The following CAP2 variants were observed in gnomAD, a reference collection of about 807,000 sequenced individuals.
CAP2 encodes the protein cyclase associated actin cytoskeleton regulatory protein 2.
In CAP2, 24 loss-of-function variants were observed where a neutral mutation model predicts 57.7. That is an observed-to-expected ratio of 0.42 (90% CI 0.30 to 0.58). CAP2 has a LOEUF of 0.58. Among genes scored for constraint, CAP2 ranks in the 20% least tolerant of loss-of-function variants. The probability of loss-of-function intolerance (pLI) is 0.22; values close to 1 mark genes in which losing one functional copy is unlikely to be tolerated. For missense variants in CAP2, 501 were observed against 590.3 expected, an observed-to-expected ratio of 0.85 and a Z score of 1.57; for synonymous variants, 194 against 207.2, an observed-to-expected ratio of 0.94 and a Z score of 0.55.
At chr6:17,473,378 T>C (rs544318401) in intron 4 of CAP2, among the ~76,000 whole-genome samples, 1 of 152,316 alleles carries the variant, frequency 6.6e-6, no homozygotes, top group South Asian at 2.1e-4. Flanking sequence ...TTATCAACGA[T>C]CTATCATTTT....
chr6:17,511,560 T>C (rs1051511396), intron 6 of CAP2, among the ~76,000 whole-genome samples: 2 of 152,162 alleles, frequency 1.3e-5, no homozygotes, highest in African/African-American at 4.8e-5. Flanking sequence ...CAAGCAGTTC[T>C]CCTGCCTCAG....
In CAP2 at chr6:17,557,170, C is replaced by A. The variant is rs934848311; in HGVS notation, c.*728C>A. On this transcript the variant is annotated 3_prime_UTR_variant, in exon 13 of 13. Transcript: ENST00000229922. ...GCCAAAAACATTAAACAGAAGAAAT[C>A]ATTTTTTTTGCTATGTAATACCTCG... is the stretch of plus-strand genomic sequence containing the variant. 2.1e-5 allele frequency: 2 copies of A among 96,926 alleles called. No homozygotes were observed. Among genetic ancestry groups the A allele is most frequent in the Non-Finnish European group, 4.2e-5 (2 of 47,568 alleles). 6.0% of individuals were successfully genotyped at this position (96,926 alleles called of 1,614,324 possible).
At chr6:17,491,564 A>G (rs1233613188) in intron 4 of CAP2, among the ~76,000 whole-genome samples, 1 of 152,224 alleles carries the variant, frequency 6.6e-6, no homozygotes. Context: ...CAGATGACAT[A>G]GGAAGAATAC....
chr6:17,451,514 C>T (rs1018470491), intron 3 of CAP2, among the ~76,000 whole-genome samples: 6 of 145,576 alleles, frequency 4.1e-5, no homozygotes, highest in Non-Finnish European at 7.6e-5. Context: ...TCAGAAAATA[C>T]TTTTTTTTTT....
At chr6:17,404,054 C>T (rs1027762112) in intron 1 of CAP2, among the ~76,000 whole-genome samples, 10 of 152,166 alleles carry the variant, frequency 6.6e-5, no homozygotes, top group African/African-American at 1.9e-4. Flanking sequence ...TGACCAAAAA[C>T]CAAGGGTCAG....
intron 7 of CAP2, chr6:17,536,382 C>T (rs1762774488): frequency 1.1e-4 from 48 of 444,942 alleles, no homozygotes; most frequent in South Asian, 7.2e-4. Flanking sequence ...ACCTTGGAAA[C>T]AAGAGCCCGG....
chr6:17,496,024 G>GGTT, intron 4 of CAP2, among the ~76,000 whole-genome samples: 1 of 115,716 alleles, frequency 8.6e-6, no homozygotes, highest in African/African-American at 3.3e-5. Flanking sequence ...ATGCGTGTGT[G>GGTT]GGTGGGGGGG....
intron 3 of CAP2, among the ~76,000 whole-genome samples, chr6:17,439,015 G>C (rs1368103153): frequency 1.3e-5 from 2 of 150,624 alleles, no homozygotes; most frequent in Admixed American, 6.6e-5. Flanking sequence ...GGAGGCTGGG[G>C]CAGGAGAATC....
At chr6:17,548,196 T>A (rs1483463381) in intron 11 of CAP2, among the ~76,000 whole-genome samples, 2 of 151,764 alleles carry the variant, frequency 1.3e-5, no homozygotes, top group Non-Finnish European at 2.9e-5. Flanking sequence ...TGAAACCCCA[T>A]TTCTACTAAA....
chr6:17,475,492 C>T (rs1761130451), intron 4 of CAP2, among the ~76,000 whole-genome samples: 1 of 152,112 alleles, frequency 6.6e-6, no homozygotes, highest in Non-Finnish European at 1.5e-5. Context: ...GTTTCTCTTA[C>T]ACCCCCTTTT....
Position 17,500,650 on chromosome 6 carries a change from G to T in CAP2, c.301-6519G>T, listed in dbSNP as rs1294656557. ...TTTTGTGACACATGCAAACTTAACAGCCCCTATGTGAAATATTTTCTACTT... is the reference window on the plus strand; with the variant it reads ...TTTTGTGACACATGCAAACTTAACATCCCCTATGTGAAATATTTTCTACTT... On this transcript the variant is annotated intron_variant, in intron 4 of 12. Coordinates refer to ENST00000229922, the MANE Select transcript of CAP2 (RefSeq NM_006366.3). 2.0e-5 allele frequency among the ~76,000 whole-genome samples: 3 copies of T among 151,878 alleles called. No homozygotes were observed. In the East Asian group the frequency reaches 5.8e-4, roughly 29 times the overall value.
At chr6:17,401,093 T>C (rs1175383637) in intron 1 of CAP2, among the ~76,000 whole-genome samples, 1 of 152,148 alleles carries the variant, frequency 6.6e-6, no homozygotes, top group African/African-American at 2.4e-5. Flanking sequence ...GCTGCTGTGG[T>C]CTGAATGTTT....
chr6:17,440,688 T>C (rs2113562475), intron 3 of CAP2, among the ~76,000 whole-genome samples: 1 of 151,106 alleles, frequency 6.6e-6, no homozygotes, highest in East Asian at 1.9e-4. Context: ...TTTTTTATTA[T>C]ACTTTAAGTT....
chr6:17,468,051 G>A (rs79170711), intron 4 of CAP2, among the ~76,000 whole-genome samples: 172 of 151,940 alleles, frequency 1.1e-3, no homozygotes, highest in Non-Finnish European at 2.2e-3. Flanking sequence ...CCATAAATAA[G>A]TGAGAACATG....
chr6:17,478,309 T>G (rs563454398), intron 4 of CAP2, among the ~76,000 whole-genome samples: 1 of 147,516 alleles, frequency 6.8e-6, no homozygotes, highest in East Asian at 2.0e-4. Flanking sequence ...TTTTTTTTTT[T>G]TTTTTTTTGT....
chr6:17,484,992 C>T (rs1761385675), intron 4 of CAP2, among the ~76,000 whole-genome samples: 2 of 152,230 alleles, frequency 1.3e-5, no homozygotes, highest in Admixed American at 1.3e-4. Flanking sequence ...TCCAAAATGC[C>T]AAACTCAAAC....
At chr6:17,430,540 GT>G (rs397949018) in intron 3 of CAP2, among the ~76,000 whole-genome samples, 1,601 of 138,532 alleles carry the variant, frequency 0.012, 31 homozygotes, top group African/African-American at 0.038. Context: ...GTGACTTTGG[GT>G]TTTTTTTTTT....
intron 4 of CAP2, among the ~76,000 whole-genome samples, chr6:17,468,795 A>C (rs976151783): frequency 6.6e-6 from 1 of 152,208 alleles, no homozygotes; most frequent in African/African-American, 2.4e-5. Flanking sequence ...GCAGGTGAGC[A>C]TAGAGGAAGT....
Position 17,556,347 on chromosome 6 carries a change from G to T in CAP2, c.1351-12G>T, listed in dbSNP as rs1236477551. The T allele has an allele frequency of 6.3e-7, 1 of 1,592,686 alleles. No individual in the cohort carries two copies. Among genetic ancestry groups the T allele is most frequent in the East Asian group, 2.2e-5 (1 of 44,720 alleles). ...TAGTTTAAATAACTTTGTTGTTCTTGCCTTTTTCCAGAGAGAATTTCCCAT... is the reference window on the plus strand; with the variant it reads ...TAGTTTAAATAACTTTGTTGTTCTTTCCTTTTTCCAGAGAGAATTTCCCAT... On this transcript the variant is annotated splice_polypyrimidine_tract_variant and intron_variant, in intron 12 of 12. Transcript: ENST00000229922.
Sources: gnomAD v4.1 joint callset for allele counts (sites outside exome capture counted in the v4.1 genomes callset) on GRCh38, gnomAD v4.1.1 for gene constraint, MANE v1.5 for transcripts, NCBI Gene and HGNC (gene_info 2026-07-23, HGNC 2026-07-21) for gene names.